The following HTR2C variants were observed in gnomAD, a reference collection of about 807,000 sequenced individuals.
HTR2C encodes the protein 5-hydroxytryptamine receptor 2C, also known as 5-hydroxytryptamine (serotonin) receptor 2C, G protein-coupled.
In HTR2C, 5 loss-of-function variants were observed where a neutral mutation model predicts 21.0. The observed-to-expected ratio is 0.24, with a 90% CI of 0.12 to 0.50. The LOEUF (loss-of-function observed/expected upper bound fraction) is 0.50. Ranked by LOEUF, HTR2C falls within the 20% of genes least tolerant of loss-of-function variation. The pLI is 0.98. For missense variants in HTR2C, 271 were observed against 371.2 expected (o/e 0.73, Z 2.22); for synonymous variants, 150 against 145.3 (o/e 1.03, Z -0.23).
intron 4 of HTR2C, among the ~76,000 whole-genome samples, chrX:114,764,594 GT>G (rs2069918534): frequency 9.0e-6 from 1 of 111,671 alleles, no homozygotes; most frequent in African/African-American, 3.3e-5. Flanking sequence ...CAACACTTGA[GT>G]TTTTGCTCAG....
intron 4 of HTR2C, among the ~76,000 whole-genome samples, chrX:114,782,275 C>T (rs889849719): frequency 5.4e-5 from 6 of 110,917 alleles, no homozygotes; most frequent in Non-Finnish European, 1.1e-4. Flanking sequence ...ACCAGTAATT[C>T]CTGTTTCAGG....
intron 4 of HTR2C, among the ~76,000 whole-genome samples, chrX:114,734,202 C>G (rs1459853810): frequency 9.0e-6 from 1 of 110,749 alleles, no homozygotes; most frequent in Non-Finnish European, 1.9e-5. Flanking sequence ...AGAAGAAAAA[C>G]AGATTACCAA....
chrX:114,812,292 C>T (rs1556452952), intron 4 of HTR2C, among the ~76,000 whole-genome samples: 1 of 111,550 alleles, frequency 9.0e-6, no homozygotes, highest in Non-Finnish European at 1.9e-5. Context: ...CATCCCAAAA[C>T]TCTGTGGTTA....
At chrX:114,713,060 C>A (rs782484604) in intron 2 of HTR2C, among the ~76,000 whole-genome samples, 5 of 111,389 alleles carry the variant, frequency 4.5e-5, no homozygotes, top group African/African-American at 1.6e-4. Context: ...GCTATGTAAT[C>A]TAAAAGCATA....
chrX:114,644,362 AATATAT>A lies in HTR2C; in HGVS notation c.-80+30522_-80+30527del, dbSNP rs782451317. ...TCCATCTAAAATAAATAAATAAATAAATATATATATATATATATATATATATATATA... is the reference window on the plus strand; with the variant it reads ...TCCATCTAAAATAAATAAATAAATAAATATATATATATATATATATATATA... On this transcript the variant is annotated intron_variant, in intron 2 of 5. Transcript: ENST00000276198. 3.3e-3 allele frequency among the ~76,000 whole-genome samples: 127 copies of A among 38,217 alleles called. 1 individual carries two copies. The highest frequency in any genetic ancestry group is 0.019 in the East Asian group (24 of 1,243). The allele number at this position is 38,217 out of a possible 115,157, so 33.2% of individuals were successfully genotyped here.
chrX:114,845,088 A>G (rs781940393), intron 4 of HTR2C, among the ~76,000 whole-genome samples: 1 of 111,282 alleles, frequency 9.0e-6, no homozygotes, highest in South Asian at 3.7e-4. Context: ...GTGCACATGG[A>G]ACATTCTCTG....
At chrX:114,659,576 C>T (rs1242733601) in intron 2 of HTR2C, among the ~76,000 whole-genome samples, 1 of 111,072 alleles carries the variant, frequency 9.0e-6, no homozygotes, top group Non-Finnish European at 1.9e-5. Flanking sequence ...CAAGGTAAGG[C>T]TGCCAAACTG....
chrX:114,846,712 A>G (rs994681228), intron 4 of HTR2C, among the ~76,000 whole-genome samples: 2 of 112,512 alleles, frequency 1.8e-5, no homozygotes, highest in Admixed American at 9.4e-5. Flanking sequence ...ATAGTGAAAG[A>G]CTGATTTTCC....
rs1238312150 is a variant in HTR2C at position 114,736,112 on chromosome X, C to CA, written c.349+4517dup. On this transcript the variant is annotated intron_variant, in intron 4 of 5. Coordinates refer to ENST00000276198, the MANE Select transcript of HTR2C (RefSeq NM_000868.4). Reference sequence around the variant, plus strand: ...TGGGCGGCAGAGCGAGACTCTATTTCAAAAAAAAAAAAGAGAAAAGAAAAC... The same window carrying CA: ...TGGGCGGCAGAGCGAGACTCTATTTCAAAAAAAAAAAAAGAGAAAAGAAAAC... Among the ~76,000 whole-genome samples, 392 of 90,890 alleles carry CA rather than the reference C, an allele frequency of 4.3e-3. 2 individuals are homozygous for CA. The highest frequency in any genetic ancestry group is 5.9e-3 in the Non-Finnish European group (270 of 45,541). 78.9% of individuals were successfully genotyped at this position (90,890 alleles called of 115,157 possible). A position where few individuals can be genotyped will look rare whatever the true frequency, so the allele number is the denominator to read the frequency against.
intron 2 of HTR2C, among the ~76,000 whole-genome samples, chrX:114,700,915 C>A (rs782220077): frequency 4.5e-5 from 5 of 111,554 alleles, no homozygotes; most frequent in African/African-American, 1.7e-4. Context: ...ATATCCCGCA[C>A]CTGGCTCGGA....
At chrX:114,835,096 C>T (rs1192126228) in intron 4 of HTR2C, among the ~76,000 whole-genome samples, 27 of 99,726 alleles carry the variant, frequency 2.7e-4, no homozygotes, top group African/African-American at 9.3e-4. Context: ...GATGGGCTTC[C>T]CTTTGAGGAT....
chrX:114,634,187 T>C (rs1393455588), intron 2 of HTR2C, among the ~76,000 whole-genome samples: 1 of 110,010 alleles, frequency 9.1e-6, no homozygotes, highest in Non-Finnish European at 1.9e-5. Flanking sequence ...TTTTTATCTA[T>C]ACGTTCTAAC....
At chrX:114,887,095 G>GA (rs1358157671) in intron 5 of HTR2C, among the ~76,000 whole-genome samples, 3 of 111,906 alleles carry the variant, frequency 2.7e-5, no homozygotes, top group South Asian at 3.7e-4. Flanking sequence ...TCTTTTAAAG[G>GA]AAAAAATCAG....
rs781958966 is a variant in HTR2C, at chrX:114,686,278, C to A, written c.-79-40580C>A. On this transcript the variant is annotated intron_variant, in intron 2 of 5. Transcript: ENST00000276198. ...AATTCCCCACTGGGTCAACATCCCC[C>A]AGAGCTCTTCTTCACAGACAAATAG... 5.4e-5 allele frequency among the ~76,000 whole-genome samples: 6 copies of A among 111,723 alleles called. 1 individual carries two copies. In the Middle Eastern group the frequency reaches 0.014, roughly 262 times the overall value.
At chrX:114,859,316 C>G (rs1225592670) in intron 5 of HTR2C, among the ~76,000 whole-genome samples, 2 of 106,410 alleles carry the variant, frequency 1.9e-5, no homozygotes, top group Non-Finnish European at 3.9e-5. Context: ...TGGTATGTGT[C>G]TGTGTGTGTG....
chrX:114,901,596 CTT>C (rs782303192), intron 5 of HTR2C, among the ~76,000 whole-genome samples: 1 of 111,873 alleles, frequency 8.9e-6, no homozygotes, highest in Non-Finnish European at 1.9e-5. Context: ...AAGTAAGACT[CTT>C]ATATGTTTAC....
intron 2 of HTR2C, among the ~76,000 whole-genome samples, chrX:114,717,981 T>C (rs1006414822): frequency 8.9e-6 from 1 of 111,750 alleles, no homozygotes; most frequent in Non-Finnish European, 1.9e-5. Flanking sequence ...AAAAGCCTTG[T>C]TCGTGCCAGC....
chrX:114,762,694 A>G (rs1295751399), intron 4 of HTR2C, among the ~76,000 whole-genome samples: 2 of 111,782 alleles, frequency 1.8e-5, no homozygotes, highest in Non-Finnish European at 3.8e-5. Flanking sequence ...TTTAAACTTT[A>G]TCATTTGAAT....
intron 2 of HTR2C, among the ~76,000 whole-genome samples, chrX:114,674,329 A>C (rs2147850552): frequency 8.9e-6 from 1 of 112,493 alleles, no homozygotes; most frequent in East Asian, 2.8e-4. Context: ...TAGGATTTGA[A>C]ACATTCTATA....
Sources: gnomAD v4.1 joint callset for allele counts (sites outside exome capture counted in the v4.1 genomes callset) on GRCh38, gnomAD v4.1.1 for gene constraint, MANE v1.5 for transcripts, NCBI Gene and HGNC (gene_info 2026-07-23, HGNC 2026-07-21) for gene names.